ZNF638: variants seen among roughly 807,000 people sequenced by gnomAD.
ZNF638 encodes the protein zinc finger protein 638.
Under a neutral mutation model 195.6 loss-of-function variants are expected in ZNF638, and 46 were observed. The observed-to-expected ratio is 0.24, with a 90% confidence interval of 0.19 to 0.30. ZNF638 has a LOEUF of 0.30. ZNF638 is among the 10% of genes least tolerant of loss of function. The pLI, the probability that ZNF638 is intolerant of heterozygous loss-of-function variation, is 1.00. For synonymous variants in ZNF638, 845 were observed against 772.0 expected (o/e 1.09, Z -1.57); for missense variants, 2,440 against 2,325.3 (o/e 1.05, Z -1.01).
Position 71,379,141 on chromosome 2 carries a change from G to A in ZNF638, c.2266-1081G>A, listed in dbSNP as rs558424901. ...ATTGTAGTAATCAAAGCAAAAGGTA[G>A]TAGTAGATTAGACCAGGGTGATAGC... On this transcript the variant is annotated intron_variant, in intron 8 of 27. Transcript: ENST00000264447. 1.1e-4 allele frequency among the ~76,000 whole-genome samples: 17 copies of A among 152,320 alleles called. No homozygotes were observed. The South Asian group carries it at 3.5e-3, about 32-fold the overall frequency.
chr2:71,400,544 C>A (rs181132042), intron 15 of ZNF638, 26 bp downstream of exon 15: 8 of 1,576,684 alleles, frequency 5.1e-6, no homozygotes, highest in East Asian at 2.3e-5. Flanking sequence ...TTATTTATTT[C>A]TTTAAAGCTC....
intron 10 of ZNF638, chr2:71,393,623 T>G (rs1178870744): frequency 1.4e-6 from 1 of 718,110 alleles, no homozygotes; most frequent in Admixed American, 2.0e-5. Flanking sequence ...CCAGATAATT[T>G]GTTCCTTGCT....
intron 1 of ZNF638, among the ~76,000 whole-genome samples, chr2:71,345,670 A>G (rs984828686): frequency 2.7e-4 from 41 of 151,454 alleles, no homozygotes; most frequent in Admixed American, 2.4e-3. Context: ...GGTGTGAGCC[A>G]CCTGTATTTT....
At chr2:71,357,305 A>C (rs2079039627) in intron 3 of ZNF638, among the ~76,000 whole-genome samples, 1 of 152,146 alleles carries the variant, frequency 6.6e-6, no homozygotes, top group South Asian at 2.1e-4. Context: ...CCGGGTGTTG[A>C]GAGTGAGATA....
At chr2:71,348,122 A>G (rs945906238) in intron 1 of ZNF638, among the ~76,000 whole-genome samples, 3 of 152,214 alleles carry the variant, frequency 2.0e-5, no homozygotes, top group Non-Finnish European at 4.4e-5. Context: ...GTTATGTATT[A>G]TGTTCTATGT....
intron 20 of ZNF638, among the ~76,000 whole-genome samples, chr2:71,410,446 A>C (rs975567778): frequency 7.9e-5 from 12 of 151,916 alleles, no homozygotes; most frequent in African/African-American, 2.9e-4. Context: ...TCTGGCCTGA[A>C]GTGCTCCTCC....
intron 1 of ZNF638, 29 bp from the exon 2 acceptor site, chr2:71,348,724 T>G (rs1272085768): frequency 1.3e-6 from 2 of 1,488,442 alleles, no homozygotes; most frequent in Non-Finnish European, 1.8e-6. Context: ...TGAGTTAAAA[T>G]GATCTAATAT....
intron 13 of ZNF638, 112 bp downstream of exon 13, chr2:71,399,757 T>A (rs2079968726): frequency 3.7e-6 from 3 of 809,858 alleles, no homozygotes; most frequent in South Asian, 3.5e-5. Flanking sequence ...GTCATGGGGG[T>A]TTGTTGTACA....
chr2:71,376,583 T>G (rs1444798605), intron 8 of ZNF638, among the ~76,000 whole-genome samples: 1 of 152,178 alleles, frequency 6.6e-6, no homozygotes, highest in Non-Finnish European at 1.5e-5. Flanking sequence ...TGGCATGGCA[T>G]GTCAAAACCT....
chr2:71,377,262 G>A (rs1028832859), intron 8 of ZNF638, among the ~76,000 whole-genome samples: 2 of 152,144 alleles, frequency 1.3e-5, no homozygotes, highest in African/African-American at 4.8e-5. Context: ...ATGATCAGGA[G>A]CCCTTGATGT....
At chr2:71,385,118 A>G (rs1272592021) in intron 10 of ZNF638, among the ~76,000 whole-genome samples, 1 of 152,260 alleles carries the variant, frequency 6.6e-6, no homozygotes, top group African/African-American at 2.4e-5. Context: ...AATGGCTAAA[A>G]TAAAAAATAC....
At position 71,349,350 on chromosome 2, in the gene ZNF638, G is replaced by C. The variant is rs368965334; in HGVS notation, c.396G>C (p.Gln132His). 6.2e-7 allele frequency: 1 copy of C among 1,614,132 alleles called. No individual in the cohort carries two copies. The change falls in exon 2 of 28, where the codon CAG becomes CAC. Residue 132 changes from glutamine (Q) to histidine (H), a missense_variant. By Grantham distance (24) the Gln-to-His change is conservative (BLOSUM62 0). This residue lies in a region of ZNF638 where 191 missense variants were observed against 173.8 expected (regional missense o/e 1.10). Coordinates refer to ENST00000264447, the MANE Select transcript of ZNF638 (RefSeq NM_014497.5). The part of the protein sequence containing the change: ...TQVTEQSPKV[Q>H]SRYTKESASS... ...TTACAGAGCAGAGTCCCAAAGTACAGAGCCGCTATACAAAAGAGAGTGCCT... is the reference window on the plus strand; with the variant it reads ...TTACAGAGCAGAGTCCCAAAGTACACAGCCGCTATACAAAAGAGAGTGCCT...
chr2:71,350,400 C>A, intron 2 of ZNF638, 129 bp downstream of exon 2: 3 of 926,018 alleles, frequency 3.2e-6, no homozygotes, highest in Non-Finnish European at 3.3e-6. Flanking sequence ...ATTGCAACCT[C>A]AATACATAGT....
chr2:71,382,026 G>A (rs1390007713), intron 10 of ZNF638, among the ~76,000 whole-genome samples: 16 of 152,116 alleles, frequency 1.1e-4, no homozygotes, highest in Non-Finnish European at 7.4e-5. Flanking sequence ...TAAGTGATGT[G>A]AGGAGGTAAA....
At chr2:71,338,194 C>T (rs2078704126) in intron 1 of ZNF638, among the ~76,000 whole-genome samples, 1 of 152,146 alleles carries the variant, frequency 6.6e-6, no homozygotes, top group African/African-American at 2.4e-5. Context: ...ATATCCTGCT[C>T]ATTAGAATTT....
intron 25 of ZNF638, among the ~76,000 whole-genome samples, chr2:71,429,227 G>T (rs2080605059): frequency 6.6e-6 from 1 of 152,138 alleles, no homozygotes; most frequent in Non-Finnish European, 1.5e-5. Flanking sequence ...CACTGTAAGG[G>T]TATCGCTTTT....
chr2:71,378,180 C>T (rs2079469387), intron 8 of ZNF638, among the ~76,000 whole-genome samples: 1 of 152,018 alleles, frequency 6.6e-6, no homozygotes, highest in Non-Finnish European at 1.5e-5. Context: ...CAAAAAATAT[C>T]ACTTAAAATT....
At chr2:71,366,595 A>G (rs1472966048) in intron 6 of ZNF638, among the ~76,000 whole-genome samples, 1 of 152,200 alleles carries the variant, frequency 6.6e-6, no homozygotes, top group Admixed American at 6.5e-5. Flanking sequence ...CTTCACAAGC[A>G]GATCACTGTG....
chr2:71,388,730 C>G (rs745641329), intron 10 of ZNF638: 1 of 1,174,800 alleles, frequency 8.5e-7, no homozygotes, highest in Non-Finnish European at 1.3e-6. Context: ...GTCAGTAAGT[C>G]ATTGGTGCCC....
Sources: allele counts gnomAD v4.1 joint callset (sites outside exome capture counted in the v4.1 genomes callset), GRCh38; gene constraint gnomAD v4.1.1; regional missense constraint gnomAD v4.1.1; transcripts MANE v1.5; gene names NCBI Gene and HGNC (gene_info 2026-07-23, HGNC 2026-07-21).